The following NBEA variants were observed in gnomAD, a reference collection of about 807,000 sequenced individuals.
NBEA encodes the protein neurobeachin.
Under a neutral mutation model 343.4 loss-of-function variants are expected in NBEA, and 44 were observed. The ratio of observed to expected loss-of-function variants is 0.13; its 90% CI spans 0.10 to 0.16. The LOEUF (loss-of-function observed/expected upper bound fraction) is 0.16, where lower values mean the gene tolerates loss of function less well. NBEA is among the 10% of genes least tolerant of loss of function. The pLI, the probability that NBEA is intolerant of heterozygous loss-of-function variation, is 1.00. For synonymous variants in NBEA, 1,175 were observed against 1,238.7 expected (o/e 0.95, Z 1.08); for missense variants, 2,555 against 3,631.3 (o/e 0.70, Z 7.62).
Position 35,045,004 on chromosome 13 carries a change from T to G in NBEA, c.584T>G (p.Leu195Trp). 6.2e-7 allele frequency: 1 copy of G among 1,612,032 alleles called. No individual in the cohort carries two copies. Among genetic ancestry groups the G allele is most frequent in the Non-Finnish European group, 8.5e-7 (1 of 1,178,990 alleles). Residue 195 changes from leucine to tryptophan, a missense_variant, in exon 3 of 59, where the codon TTG becomes TGG. Physicochemically the swap from Leu to Trp is moderately conservative, Grantham distance 61 (BLOSUM62 -2). Transcript: ENST00000379939. ...LASYSITVKE[L>W]KLLFSMLRGE... ...AGCTACAGCATCACTGTCAAGGAGT[T>G]GAAGCTTTTGTTCAGCATGCTTCGA...
chr13:35,496,534 T>C (rs538504563), intron 41 of NBEA, among the ~76,000 whole-genome samples: 2 of 148,870 alleles, frequency 1.3e-5, no homozygotes, highest in Non-Finnish European at 3.0e-5. Context: ...TTCAGTAGGC[T>C]AAGGTGGAAG....
intron 41 of NBEA, among the ~76,000 whole-genome samples, chr13:35,540,547 A>G (rs2153005005): frequency 6.6e-6 from 1 of 152,332 alleles, no homozygotes; most frequent in African/African-American, 2.4e-5. Flanking sequence ...AAATGAAGCA[A>G]CTGTGCCAGT....
At chr13:35,614,281 A>C (rs1178721451) in intron 48 of NBEA, among the ~76,000 whole-genome samples, 1 of 152,096 alleles carries the variant, frequency 6.6e-6, no homozygotes, top group Non-Finnish European at 1.5e-5. Flanking sequence ...CTGCCCTTTT[A>C]TACAAGGAAT....
chr13:35,407,844 G>A (rs1426575835), intron 38 of NBEA, among the ~76,000 whole-genome samples: 1 of 152,068 alleles, frequency 6.6e-6, no homozygotes, highest in African/African-American at 2.4e-5. Context: ...ACAAACCACT[G>A]CTCAAAGAAA....
chr13:35,519,996 A>C (rs1418863860), intron 41 of NBEA, among the ~76,000 whole-genome samples: 1 of 152,064 alleles, frequency 6.6e-6, no homozygotes, highest in Admixed American at 6.6e-5. Context: ...CCTTTTTGGC[A>C]CCAGGGATGG....
At chr13:35,649,883 T>A in intron 52 of NBEA, 36 bp downstream of exon 52, 2 of 1,582,702 alleles carry the variant, frequency 1.3e-6, no homozygotes, top group Non-Finnish European at 1.7e-6. Context: ...ACTAAAGATT[T>A]CTTAAAAGCT....
intron 18 of NBEA, among the ~76,000 whole-genome samples, chr13:35,144,987 G>C (rs1227817456): frequency 6.6e-6 from 1 of 152,192 alleles, no homozygotes; most frequent in Admixed American, 6.5e-5. Flanking sequence ...GTCCCAGATG[G>C]TTTGAGCAGT....
intron 34 of NBEA, among the ~76,000 whole-genome samples, chr13:35,240,232 T>C (rs1171818393): frequency 6.6e-6 from 1 of 151,922 alleles, no homozygotes; most frequent in Non-Finnish European, 1.5e-5. Context: ...GTATTTCTTA[T>C]GTCCTTTCTT....
rs529752676 is a variant in NBEA at position 35,362,934 on chromosome 13, G to T, written c.6179+10611G>T. ...AAACAAAGTAAGCAATGACTAGGTG[G>T]AACTGTAAAGTAAAAATTATATGCT... On this transcript the variant is annotated intron_variant, in intron 38 of 58. Transcript: ENST00000379939. 3.9e-5 allele frequency among the ~76,000 whole-genome samples: 6 copies of T among 152,048 alleles called. No individual in the cohort carries two copies. The South Asian group carries it at 1.2e-3, about 32-fold the overall frequency.
At chr13:35,308,514 G>GTATATATGTA (rs2037104930) in intron 35 of NBEA, among the ~76,000 whole-genome samples, 1 of 111,568 alleles carries the variant, frequency 9.0e-6, no homozygotes, top group Non-Finnish European at 1.8e-5. Context: ...ATATATATGT[G>GTATATATGTA]TATATATGTA....
chr13:35,490,557 C>T (rs1369544026), intron 41 of NBEA, among the ~76,000 whole-genome samples: 4 of 151,990 alleles, frequency 2.6e-5, no homozygotes, highest in Admixed American at 2.6e-4. Flanking sequence ...TCATATTTTA[C>T]CTTCTGCCTA....
intron 57 of NBEA, among the ~76,000 whole-genome samples, 174 bp downstream of exon 57, chr13:35,667,744 A>G (rs951412769): frequency 3.9e-5 from 6 of 152,238 alleles, no homozygotes; most frequent in African/African-American, 1.4e-4. Context: ...AAGTTCATTT[A>G]ATTGCAAGTA....
intron 13 of NBEA, among the ~76,000 whole-genome samples, chr13:35,114,476 G>C (rs2066397268): frequency 6.6e-6 from 1 of 152,042 alleles, no homozygotes; most frequent in Admixed American, 6.6e-5. Flanking sequence ...CCTCAGATTT[G>C]ACTCTGAATG....
chr13:35,649,203 C>T (rs983262924), intron 51 of NBEA, among the ~76,000 whole-genome samples: 2 of 152,148 alleles, frequency 1.3e-5, no homozygotes, highest in African/African-American at 4.8e-5. Flanking sequence ...AGACTGTAGT[C>T]ATGACCCCAG....
At chr13:35,307,023 A>G (rs1341207138) in intron 35 of NBEA, among the ~76,000 whole-genome samples, 1 of 152,088 alleles carries the variant, frequency 6.6e-6, no homozygotes, top group Non-Finnish European at 1.5e-5. Context: ...AATTCAGACA[A>G]CAGTGTTTGT....
intron 48 of NBEA, among the ~76,000 whole-genome samples, chr13:35,616,788 C>T (rs942308279): frequency 3.3e-5 from 5 of 152,208 alleles, no homozygotes; most frequent in Middle Eastern, 3.2e-3. Context: ...ACTCCTGATA[C>T]TAATATGACC....
chr13:35,425,675 G>A (rs962796080), intron 38 of NBEA, among the ~76,000 whole-genome samples: 3 of 152,158 alleles, frequency 2.0e-5, no homozygotes, highest in Non-Finnish European at 4.4e-5. Context: ...TCTTGATGCA[G>A]AGCTGAGTTC....
rs369561440 is a variant in NBEA at position 35,628,223 on chromosome 13, G to A, written c.7592G>A (p.Ser2531Asn). The A allele has an allele frequency of 9.3e-6, 15 of 1,610,526 alleles. No homozygotes were observed. In the African/African-American group the frequency reaches 1.6e-4, roughly 17 times the overall value. Residue 2531 changes from serine (S) to asparagine (N), a missense_variant, in exon 49 of 59, where the codon AGT becomes AAT. Ser to Asn is a conservative substitution (Grantham distance 46). Transcript: ENST00000379939. ...LTYEGSVNLD[S>N]ITDPVLREIP... ...TATGAAGGCTCTGTGAACCTGGATA[G>A]TATCACTGATCCTGTGCTCAGGGAG...
Position 35,165,693 on chromosome 13 carries a change from T to C in NBEA, c.4233+1184T>C, listed in dbSNP as rs528689936. Among the ~76,000 whole-genome samples the C allele has an allele frequency of 3.3e-5, 5 of 150,960 alleles. No homozygotes were observed. In the South Asian group the frequency reaches 8.4e-4, roughly 25 times the overall value. Reference sequence around the variant, plus strand: ...TTTTTTCTTCTCTTTTCTTTTCTTTTTTTTTTTTTTTGACAGAGTATCATT... The same window carrying C: ...TTTTTTCTTCTCTTTTCTTTTCTTTCTTTTTTTTTTTGACAGAGTATCATT... On this transcript the variant is annotated intron_variant, in intron 24 of 58. Coordinates refer to ENST00000379939, the MANE Select transcript of NBEA (RefSeq NM_001385012.1).
Sources: gnomAD v4.1 joint callset for allele counts (sites outside exome capture counted in the v4.1 genomes callset) on GRCh38, gnomAD v4.1.1 for gene constraint, MANE v1.5 for transcripts, NCBI Gene and HGNC (gene_info 2026-07-23, HGNC 2026-07-21) for gene names.